PRC1: variants seen among roughly 807,000 people sequenced by gnomAD.
PRC1 encodes the protein anaphase spindle elongation 1 homolog.
PRC1 carries 54 observed loss-of-function variants against 91.2 expected under a neutral mutation model. That is an observed-to-expected ratio of 0.59 (90% CI 0.48 to 0.74). The LOEUF (loss-of-function observed/expected upper bound fraction) is 0.74. Ranked by LOEUF, PRC1 falls within the 30% of genes least tolerant of loss-of-function variation. The pLI, the probability that PRC1 is intolerant of heterozygous loss-of-function variation, is 0.00. For missense variants in PRC1, 727 were observed against 746.2 expected (o/e 0.97, Z 0.30); for synonymous variants, 275 against 263.6 (o/e 1.04, Z -0.42).
Position 90,984,829 on chromosome 15 carries a change from A to G in PRC1, c.12-4T>C, listed in dbSNP as rs1255762507. 11 of 1,614,098 alleles carry G rather than the reference A, an allele frequency of 6.8e-6. No individual in the cohort carries two copies. The highest frequency in any genetic ancestry group is 2.2e-5 in the East Asian group (1 of 44,890). On this transcript the variant is annotated splice_polypyrimidine_tract_variant and splice_region_variant and intron_variant, in intron 1 of 14. Coordinates refer to ENST00000394249, the MANE Select transcript of PRC1 (RefSeq NM_003981.4). The surrounding 1 kb of genome is among the most constrained non-coding windows in gnomAD (Gnocchi z 5.1). ...GGACTCCTCCGCCAGCACCTCACTG[A>G]AAACCAAAAACTAAGGCCTGTTAGT...
rs1477533380 is a variant in PRC1, at chr15:90,966,546, C to T, written c.*585G>A. On this transcript the variant is annotated 3_prime_UTR_variant, in exon 15 of 15. Coordinates refer to ENST00000394249, the MANE Select transcript of PRC1 (RefSeq NM_003981.4). ...CAATGCACTGTGTAACAGAACTGAACACAATTTAACAAAGCTGCTCCCAGC... is the reference window on the plus strand; with the variant it reads ...CAATGCACTGTGTAACAGAACTGAATACAATTTAACAAAGCTGCTCCCAGC... 1 of 456,108 alleles carries T rather than the reference C, an allele frequency of 2.2e-6. No homozygotes were observed. Among genetic ancestry groups the T allele is most frequent in the South Asian group, 1.5e-5 (1 of 64,552 alleles). The allele number at this position is 456,108 out of a possible 1,614,324, so 28.3% of individuals were successfully genotyped here.
intron 1 of PRC1, among the ~76,000 whole-genome samples, chr15:90,993,070 CAAAAAAAAAAAAAA>C (rs67427806): frequency 9.7e-5 from 3 of 30,922 alleles, no homozygotes; most frequent in Non-Finnish European, 1.3e-4. Flanking sequence ...GACCCCGTCT[CAAAAAAAAAAAAAA>C]AAAAAAAAAA....
At chr15:90,986,481 G>A (rs2039582397) in intron 1 of PRC1, among the ~76,000 whole-genome samples, 1 of 152,148 alleles carries the variant, frequency 6.6e-6, no homozygotes, top group Non-Finnish European at 1.5e-5. Context: ...AAAATTAGCT[G>A]GGTGTGGTGG....
At chr15:90,975,229 C>T (rs2038569526) in intron 9 of PRC1, among the ~76,000 whole-genome samples, 1 of 152,142 alleles carries the variant, frequency 6.6e-6, no homozygotes, top group African/African-American at 2.4e-5. Context: ...CCTCAGCCTC[C>T]CGAGTAGCTG....
At chr15:90,993,738 AAG>A (rs2040117545) in intron 1 of PRC1, among the ~76,000 whole-genome samples, 4 of 152,200 alleles carry the variant, frequency 2.6e-5, no homozygotes, top group Non-Finnish European at 4.4e-5. Context: ...CAAAGAAACA[AAG>A]CTATCTTTCC....
chr15:90,991,941 G>A (rs2040005332), intron 1 of PRC1, among the ~76,000 whole-genome samples: 1 of 152,136 alleles, frequency 6.6e-6, no homozygotes, highest in African/African-American at 2.4e-5. Context: ...AAGACCTATG[G>A]AGCCCCATTC....
Position 90,967,092 on chromosome 15 carries a change from G to A in PRC1, c.*39C>T, listed in dbSNP as rs377228592. On this transcript the variant is annotated 3_prime_UTR_variant, in exon 15 of 15. Coordinates refer to ENST00000394249, the MANE Select transcript of PRC1 (RefSeq NM_003981.4). ...CCCCCATATAATTAGGTCCAGTCTA[G>A]GCACAGGAAGCCACAGCTGGTTGAC... 11 of 1,569,354 alleles carry A rather than the reference G, an allele frequency of 7.0e-6. No individual in the cohort carries two copies. In the African/African-American group the frequency reaches 1.1e-4, roughly 15 times the overall value.
At chr15:90,993,906 G>A (rs12101302) in intron 1 of PRC1, among the ~76,000 whole-genome samples, 8,328 of 142,486 alleles carry the variant, frequency 0.058, 315 homozygotes, top group African/African-American at 0.1. Context: ...AACATAGACC[G>A]CGTTTCCACA....
intron 8 of PRC1, chr15:90,977,309 G>A (rs1456863846): frequency 6.6e-6 from 1 of 152,250 alleles, no homozygotes; most frequent in Non-Finnish European, 1.5e-5. Flanking sequence ...ACCAGCATGT[G>A]TTTTCTTTTA....
intron 11 of PRC1, among the ~76,000 whole-genome samples, chr15:90,972,251 C>T (rs2038219349): frequency 6.7e-6 from 1 of 148,344 alleles, no homozygotes. Flanking sequence ...GGTATGGTGG[C>T]ATGTGCCCGT....
Position 90,980,337 on chromosome 15 carries a change from T to G in PRC1, c.875A>C (p.Lys292Thr), listed in dbSNP as rs1485715403. The stretch of plus-strand genomic sequence containing the variant: ...CTCCACTCGAATTGCCTCAATCACT[T>G]TCTTCATGTTTTGCATTTTCAGTTC... ...LEELKMQNMKKVIEAIRVELV... is the reference protein window; with the variant it reads ...LEELKMQNMKTVIEAIRVELV... The change falls in exon 7 of 15, where the codon AAA becomes ACA. Residue 292 changes from lysine (K) to threonine (T), a missense_variant. Coordinates refer to ENST00000394249, the MANE Select transcript of PRC1 (RefSeq NM_003981.4). 11 of 1,613,988 alleles carry G rather than the reference T, an allele frequency of 6.8e-6. No homozygotes were observed. Among genetic ancestry groups the G allele is most frequent in the South Asian group, 1.1e-5 (1 of 91,072 alleles).
intron 1 of PRC1, among the ~76,000 whole-genome samples, chr15:90,985,494 G>C (rs2039510424): frequency 6.6e-6 from 1 of 150,878 alleles, no homozygotes; most frequent in Non-Finnish European, 1.5e-5. Flanking sequence ...GCCTCCCAAA[G>C]TGCTAGGATT....
In PRC1 at chr15:90,981,819, T is replaced by A. The variant is rs754761543; in HGVS notation, c.430A>T (p.Ser144Cys). 1 of 1,614,252 alleles carries A rather than the reference T, an allele frequency of 6.2e-7. No homozygotes were observed. The highest frequency in any genetic ancestry group is 2.2e-5 in the East Asian group (1 of 44,894). The change falls in exon 4 of 15, where the codon AGT becomes TGT. Residue 144 changes from serine to cysteine, a missense_variant. Transcript: ENST00000394249. Reference protein sequence around the residue: ...ILCMPHYDIDSASVPSLEELN... With the variant: ...ILCMPHYDIDCASVPSLEELN... ...TCTTCTAAGCTGGGCACTGAGGCAC[T>A]GTCAATATCATAGTGGGGCATACAA...
rs142124129 is a variant in PRC1, at chr15:90,981,917, C to A, written c.332G>T (p.Arg111Leu). Residue 111 changes from arginine (R) to leucine (L), a missense_variant, in exon 4 of 15, where the codon CGA (arginine) becomes CTA (leucine). By Grantham distance (102) the Arg-to-Leu change is moderately radical. Coordinates refer to ENST00000394249, the MANE Select transcript of PRC1 (RefSeq NM_003981.4). ...KDLRTQVELM[R>L]KQKKERKQEL... ...CTGTTTTCTCTCCTTTTTCTGTTTT[C>A]GCATCAATTCCACTTGGGTGCGCAA... 1.2e-6 allele frequency: 2 copies of A among 1,614,034 alleles called. No individual in the cohort carries two copies. The highest frequency in any genetic ancestry group is 2.2e-5 in the South Asian group (2 of 91,084).
chr15:90,980,792 C>A, intron 6 of PRC1, 92 bp downstream of exon 6: 2 of 1,550,704 alleles, frequency 1.3e-6, no homozygotes, highest in Non-Finnish European at 8.8e-7. Flanking sequence ...AGGCATGAAC[C>A]ACTGAGCCTG....
At position 90,966,971 on chromosome 15, in the gene PRC1, A is replaced by C. The variant is rs1410501060; in HGVS notation, c.*160T>G. 3 of 652,954 alleles carry C rather than the reference A, an allele frequency of 4.6e-6. No homozygotes were observed. The highest frequency in any genetic ancestry group is 2.8e-5 in the Admixed American group (1 of 35,586). The allele number at this position is 652,954 out of a possible 1,614,324, so 40.4% of individuals were successfully genotyped here. A position where few individuals can be genotyped will look rare whatever the true frequency, so the allele number is the denominator to read the frequency against. ...ACCACTAAACCTATGATGGGCTTTCAACTGTAACACTCATTCACATCTTTA... is the reference window on the plus strand; with the variant it reads ...ACCACTAAACCTATGATGGGCTTTCCACTGTAACACTCATTCACATCTTTA... On this transcript the variant is annotated 3_prime_UTR_variant, in exon 15 of 15. Transcript: ENST00000394249.
At position 90,980,374 on chromosome 15, in the gene PRC1, C is replaced by G. The variant is rs1365490953; in HGVS notation, c.838G>C (p.Asp280His). The G allele has an allele frequency of 6.2e-7, 1 of 1,613,746 alleles. No homozygotes were observed. The highest frequency in any genetic ancestry group is 1.7e-5 in the Admixed American group (1 of 59,880). The change falls in exon 7 of 15, where the codon GAT (aspartate) becomes CAT (histidine). Residue 280 changes from aspartate (D) to histidine (H), a missense_variant. Coordinates refer to ENST00000394249, the MANE Select transcript of PRC1 (RefSeq NM_003981.4). ...KVRKALQLEV[D>H]RLEELKMQNM... ...TGCATTTTCAGTTCTTCCAACCGAT[C>G]CACTTCTAATTGCAGCTGAAAGAAA...
At chr15:90,993,213 T>G (rs189807083) in intron 1 of PRC1, among the ~76,000 whole-genome samples, 34 of 113,614 alleles carry the variant, frequency 3.0e-4, no homozygotes, top group African/African-American at 1.1e-3. Context: ...TTAATGGACT[T>G]TTTTTTTTTT....
chr15:90,983,996 G>A, intron 3 of PRC1, 22 bp downstream of exon 3: 1 of 1,613,236 alleles, frequency 6.2e-7, no homozygotes, highest in Non-Finnish European at 8.5e-7. Flanking sequence ...GATCACCAGA[G>A]ACCCTGTGGG....
Sources: allele counts gnomAD v4.1 joint callset (sites outside exome capture counted in the v4.1 genomes callset), GRCh38; gene constraint gnomAD v4.1.1; non-coding constraint Gnocchi (gnomAD v3.1); transcripts MANE v1.5; gene names NCBI Gene and HGNC (gene_info 2026-07-23, HGNC 2026-07-21).